The following CHST15 variants were observed in gnomAD, a reference collection of about 807,000 sequenced individuals.
The protein encoded by CHST15 is carbohydrate sulfotransferase 15.
CHST15 carries 30 observed loss-of-function variants against 53.6 expected under a neutral mutation model. That is an observed-to-expected ratio of 0.56 (90% CI 0.42 to 0.76). The LOEUF (loss-of-function observed/expected upper bound fraction) is 0.76, where lower values mean the gene tolerates loss of function less well. CHST15 is among the 30% of genes least tolerant of loss of function. CHST15 has a pLI of 0.00. For missense variants in CHST15, 627 were observed against 740.5 expected (o/e 0.85, Z 1.78); for synonymous variants, 296 against 289.8 (o/e 1.02, Z -0.22).
intron 1 of CHST15, among the ~76,000 whole-genome samples, chr10:124,067,815 C>G (rs1948793647): frequency 6.6e-6 from 1 of 152,094 alleles, no homozygotes; most frequent in South Asian, 2.1e-4. Context: ...CGGGGTTTCA[C>G]CATGTTGGCC....
chr10:124,010,279 C>T lies in CHST15; in HGVS notation c.1556G>A (p.Arg519His), dbSNP rs1946375456. 3 of 1,613,504 alleles carry T rather than the reference C, an allele frequency of 1.9e-6. No individual in the cohort carries two copies. The highest frequency in any genetic ancestry group is 2.5e-6 in the Non-Finnish European group (3 of 1,179,774). ...GGGCCCCAGGTTCCGGTCCTCGGGA[C>T]GCCGTGCATTGGATGCGGGGCTCTT... The part of the protein sequence containing the change: ...MTKSPASNAR[R>H]PEDRNLGPMW... Residue 519 changes from arginine (R) to histidine (H), a missense_variant, in exon 8 of 8, where the codon CGT (arginine) becomes CAT (histidine). Coordinates refer to ENST00000435907, the MANE Select transcript of CHST15 (RefSeq NM_001270764.2).
chr10:124,010,681 C>G (rs1946386334), intron 7 of CHST15: 1 of 985,348 alleles, frequency 1.0e-6, no homozygotes, highest in Non-Finnish European at 1.2e-6. Context: ...TCAGCCCGTC[C>G]TTGGAGGAAC....
chr10:124,088,911 G>T (rs1245805713), intron 1 of CHST15, among the ~76,000 whole-genome samples: 1 of 152,110 alleles, frequency 6.6e-6, no homozygotes, highest in African/African-American at 2.4e-5. Context: ...TCCATTTATG[G>T]TCCATCTCCT....
At position 124,045,977 on chromosome 10, in the gene CHST15, C is replaced by T. The variant is rs376384195; in HGVS notation, c.236G>A (p.Arg79Gln). Residue 79 changes from arginine (R) to glutamine (Q), a missense_variant, in exon 2 of 8, where the codon CGA becomes CAA. By Grantham distance (43) the Arg-to-Gln change is conservative (BLOSUM62 1). Coordinates refer to ENST00000435907, the MANE Select transcript of CHST15 (RefSeq NM_001270764.2). ...TATCAGTCCAAAAACGAGGCTACAT[C>T]GCTTCCCCTTTTTGAAGCGCAAAAA... ...GGFLRFKKGK[R>Q]CSLVFGLIIM... The T allele has an allele frequency of 5.0e-6, 8 of 1,614,084 alleles. No individual in the cohort carries two copies. Among genetic ancestry groups the T allele is most frequent in the African/African-American group, 1.3e-5 (1 of 74,990 alleles).
chr10:124,037,558 A>G (rs2133957606), intron 5 of CHST15, among the ~76,000 whole-genome samples: 1 of 152,268 alleles, frequency 6.6e-6, no homozygotes, highest in South Asian at 2.1e-4. Context: ...CTGATGTGGA[A>G]GTATTGGAGG....
In CHST15 at chr10:124,058,574, G is replaced by A. The variant is rs537538270; in HGVS notation, c.-512-11850C>T. Among the ~76,000 whole-genome samples, 552 of 152,326 alleles carry A rather than the reference G, an allele frequency of 3.6e-3. 4 individuals are homozygous for A. The highest frequency in any genetic ancestry group is 0.013 in the African/African-American group (532 of 41,568). On this transcript the variant is annotated intron_variant, in intron 1 of 7. Transcript: ENST00000435907. ...CGAAGCTGTTATTGGCAGCTGTAGG[G>A]GAACCTGCTCAGAACTCAAGGCTCA...
rs1176295122 is a variant in CHST15 at position 124,038,385 on chromosome 10, C to T, written c.1190+130G>A. 18 of 1,019,638 alleles carry T rather than the reference C, an allele frequency of 1.8e-5. No homozygotes were observed. In the Admixed American group the frequency reaches 4.2e-4, roughly 24 times the overall value. The allele number at this position is 1,019,638 out of a possible 1,614,324, so 63.2% of individuals were successfully genotyped here. On this transcript the variant is annotated intron_variant, in intron 5 of 7. Coordinates refer to ENST00000435907, the MANE Select transcript of CHST15 (RefSeq NM_001270764.2). ...CCTCCCAAAGTGCTGGGATTACAGG[C>T]ATGAGCCACTGTACCCGACCTGTTT... is the stretch of plus-strand genomic sequence containing the variant.
chr10:124,021,508 G>C, intron 5 of CHST15, 96 bp from the exon 6 acceptor site: 1 of 1,518,044 alleles, frequency 6.6e-7, no homozygotes, highest in Non-Finnish European at 8.8e-7. Context: ...ACATTATCTA[G>C]TTTTCCTGAT....
intron 1 of CHST15, among the ~76,000 whole-genome samples, chr10:124,081,794 C>G (rs1949250527): frequency 6.6e-6 from 1 of 152,082 alleles, no homozygotes; most frequent in Non-Finnish European, 1.5e-5. Flanking sequence ...GGAGATCTCC[C>G]GGCCTGGTCT....
At chr10:124,056,519 G>C (rs1948385088) in intron 1 of CHST15, among the ~76,000 whole-genome samples, 1 of 152,194 alleles carries the variant, frequency 6.6e-6, no homozygotes. Context: ...GATGTGTAGA[G>C]GCTGGCCTGG....
At chr10:124,045,638 T>A (rs199643498) in intron 2 of CHST15, 29 bp downstream of exon 2, 1 of 1,518,784 alleles carries the variant, frequency 6.6e-7, no homozygotes, top group East Asian at 2.3e-5. Flanking sequence ...AATCAACCAA[T>A]CAGTCAAGAT....
chr10:124,068,939 G>A (rs2134146613), intron 1 of CHST15, among the ~76,000 whole-genome samples: 1 of 152,328 alleles, frequency 6.6e-6, no homozygotes, highest in African/African-American at 2.4e-5. Flanking sequence ...TGGGCCCTAA[G>A]TATACAAAGA....
chr10:124,037,175 C>T (rs1235177105), intron 5 of CHST15, among the ~76,000 whole-genome samples: 3 of 152,134 alleles, frequency 2.0e-5, no homozygotes, highest in Non-Finnish European at 4.4e-5. Flanking sequence ...TCATTTTAAC[C>T]GGAGTGCATC....
At chr10:124,066,336 C>A (rs183067753) in intron 1 of CHST15, among the ~76,000 whole-genome samples, 2 of 152,082 alleles carry the variant, frequency 1.3e-5, no homozygotes, top group Non-Finnish European at 2.9e-5. Context: ...TAACACACTG[C>A]GAGTCTGGGA....
chr10:124,076,620 G>A (rs943583467), intron 1 of CHST15, among the ~76,000 whole-genome samples: 2 of 152,192 alleles, frequency 1.3e-5, no homozygotes, highest in East Asian at 1.9e-4. Flanking sequence ...CTCCAAGGGC[G>A]TGGACCCATG....
At position 124,046,335 on chromosome 10, in the gene CHST15, GA is replaced by G. The variant is rs1159552531; in HGVS notation, c.-124del. 12 of 885,458 alleles carry G rather than the reference GA, an allele frequency of 1.4e-5. No individual in the cohort carries two copies. The highest frequency in any genetic ancestry group is 1.8e-5 in the South Asian group (1 of 55,886). The allele number at this position is 885,458 out of a possible 1,614,324, so 54.9% of individuals were successfully genotyped here. On this transcript the variant is annotated 5_prime_UTR_variant, in exon 2 of 8. It removes the in-frame stop codon of an upstream open reading frame in the 5' UTR. Coordinates refer to ENST00000435907, the MANE Select transcript of CHST15 (RefSeq NM_001270764.2). ...GCCTTGTGATCACAGAAGATGGATG[GA>G]AAGCACAAATACAAAAATAAGCAGA...
chr10:124,045,715 C>T lies in CHST15; in HGVS notation c.498G>A (p.Thr166=), dbSNP rs780411058. The part of the protein sequence containing the change: ...INSITTRIEF[T]TRQLPDLEDL... ...CTTCTAAGTCTGGGAGCTGTCTGGT[C>T]GTGAACTCAATCCTAGTTGTGATGC... is the stretch of plus-strand genomic sequence containing the variant. The change falls in exon 2 of 8, where the codon ACG becomes ACA. Residue 166 remains threonine, a synonymous_variant. Transcript: ENST00000435907. 33 of 1,613,372 alleles carry T rather than the reference C, an allele frequency of 2.0e-5. No individual in the cohort carries two copies. Among genetic ancestry groups the T allele is most frequent in the African/African-American group, 2.7e-5 (2 of 74,924 alleles).
intron 1 of CHST15, among the ~76,000 whole-genome samples, chr10:124,079,674 T>G (rs1258847481): frequency 6.6e-6 from 1 of 152,168 alleles, no homozygotes; most frequent in Non-Finnish European, 1.5e-5. Flanking sequence ...AGGTTCTTAC[T>G]GACGAGGAGA....
In CHST15 at chr10:124,008,120, G is replaced by A; in HGVS notation, c.*2029C>T. Reference sequence around the variant, plus strand: ...AAATAATACCTTCAGTAATACTTCTGTAAGAAGCAGAATTACACCACATGT... The same window carrying A: ...AAATAATACCTTCAGTAATACTTCTATAAGAAGCAGAATTACACCACATGT... On this transcript the variant is annotated 3_prime_UTR_variant, in exon 8 of 8. Transcript: ENST00000435907. 2.4e-6 allele frequency: 3 copies of A among 1,231,558 alleles called. No individual in the cohort carries two copies. The highest frequency in any genetic ancestry group is 4.2e-5 in the South Asian group (1 of 23,872). 76.3% of individuals were successfully genotyped at this position (1,231,558 alleles called of 1,614,324 possible). A position where few individuals can be genotyped will look rare whatever the true frequency, so the allele number is the denominator to read the frequency against.
Sources: allele counts gnomAD v4.1 joint callset (sites outside exome capture counted in the v4.1 genomes callset), GRCh38; gene constraint gnomAD v4.1.1; transcripts MANE v1.5; gene names NCBI Gene and HGNC (gene_info 2026-07-23, HGNC 2026-07-21).